NEMP1: variants seen among roughly 807,000 people sequenced by gnomAD.
NEMP1 encodes nuclear envelope integral membrane protein 1, also known as transmembrane protein 194.
A neutral mutation model predicts 53.7 loss-of-function variants in NEMP1; 29 were observed. That is an observed-to-expected ratio of 0.54 (90% CI 0.40 to 0.74). The LOEUF (loss-of-function observed/expected upper bound fraction) is 0.74. Ranked by LOEUF, NEMP1 falls within the 30% of genes least tolerant of loss-of-function variation. The pLI is 0.00. For synonymous variants in NEMP1, 193 were observed against 192.9 expected (o/e 1.00, Z 0.00); for missense variants, 477 against 528.6 (o/e 0.90, Z 0.96).
intron 2 of NEMP1, among the ~76,000 whole-genome samples, chr12:57,072,308 C>A (rs969867846): frequency 6.6e-6 from 1 of 152,074 alleles, no homozygotes. Context: ...GGTGTGGTGG[C>A]GTATGCCTGT....
chr12:57,062,893 G>C (rs1592500395), intron 7 of NEMP1, among the ~76,000 whole-genome samples: 1 of 151,094 alleles, frequency 6.6e-6, no homozygotes, highest in East Asian at 1.9e-4. Context: ...AGGAACACAT[G>C]ACATTTTACT....
chr12:57,080,443 G>T (rs1405274715), upstream of NEMP1, among the ~76,000 whole-genome samples: 1 of 152,046 alleles, frequency 6.6e-6, no homozygotes, highest in Non-Finnish European at 1.5e-5. Flanking sequence ...GCCAGGCATG[G>T]TGGTAGGTGG....
chr12:57,072,669 C>T (rs1483173518), intron 2 of NEMP1, 119 bp downstream of exon 2: 2 of 1,148,278 alleles, frequency 1.7e-6, no homozygotes, highest in African/African-American at 1.5e-5. Context: ...TCAACCCTAA[C>T]AAGATTGTTA....
intron 7 of NEMP1, among the ~76,000 whole-genome samples, chr12:57,062,223 T>TA (rs780234288): frequency 2.6e-5 from 4 of 152,154 alleles, no homozygotes; most frequent in Non-Finnish European, 4.4e-5. Flanking sequence ...CTCACGCCTA[T>TA]AATCCTAGCA....
chr12:57,073,475 T>G (rs2136510143), intron 1 of NEMP1, among the ~76,000 whole-genome samples: 1 of 151,858 alleles, frequency 6.6e-6, no homozygotes, highest in South Asian at 2.1e-4. Flanking sequence ...CCCCCCCGTC[T>G]CTACTAAAAT....
intron 1 of NEMP1, among the ~76,000 whole-genome samples, chr12:57,085,275 G>T (rs1592526343): frequency 6.6e-6 from 1 of 152,062 alleles, no homozygotes; most frequent in Non-Finnish European, 1.5e-5. Flanking sequence ...CAACTTCTGG[G>T]CTCAAATGTT....
upstream of NEMP1, among the ~76,000 whole-genome samples, chr12:57,079,856 G>A (rs1240465542): frequency 6.6e-6 from 1 of 152,040 alleles, no homozygotes; most frequent in African/African-American, 2.4e-5. Context: ...GTGTAACCTT[G>A]AATTCCTGGA....
upstream of NEMP1, among the ~76,000 whole-genome samples, chr12:57,083,220 A>G (rs896888916): frequency 6.6e-6 from 1 of 152,166 alleles, no homozygotes; most frequent in Non-Finnish European, 1.5e-5. Context: ...ATCACTGACC[A>G]CTGACTATTA....
At chr12:57,067,512 T>C (rs1298286437) in intron 4 of NEMP1, among the ~76,000 whole-genome samples, 4 of 152,224 alleles carry the variant, frequency 2.6e-5, no homozygotes, top group Admixed American at 6.5e-5. Flanking sequence ...GCACATGCTG[T>C]TGGGAAAACG....
intron 1 of NEMP1, among the ~76,000 whole-genome samples, chr12:57,084,384 A>C (rs35937600): frequency 0.17 from 25,396 of 152,148 alleles, 2,280 homozygotes; most frequent in African/African-American, 0.25. Flanking sequence ...CCACATACTC[A>C]GTCACCCAAG....
chr12:57,064,077 G>C lies in NEMP1; in HGVS notation c.748C>G (p.Leu250Val). 2 of 1,587,384 alleles carry C rather than the reference G, an allele frequency of 1.3e-6. No individual in the cohort carries two copies. The highest frequency in any genetic ancestry group is 1.7e-6 in the Non-Finnish European group (2 of 1,161,666). The change falls in exon 6 of 9, where the codon CTT becomes GTT. Residue 250 changes from leucine (L) to valine (V), a missense_variant. Coordinates refer to ENST00000300128, the MANE Select transcript of NEMP1 (RefSeq NM_001130963.2). ...QEIWRCYWQY[L>V]LSYVLTVGFM... ...CAAAACCGACAACACTTACTTAAAA[G>C]ATACTGCCAGTAACACCTCCAGATC...
At chr12:57,075,419 A>G (rs1466221365) in intron 1 of NEMP1, among the ~76,000 whole-genome samples, 1 of 148,136 alleles carries the variant, frequency 6.8e-6, no homozygotes, top group African/African-American at 2.5e-5. Context: ...AAATAAATAA[A>G]TAAATAAATA....
chr12:57,083,090 G>A (rs1319773856), upstream of NEMP1, among the ~76,000 whole-genome samples: 1 of 151,668 alleles, frequency 6.6e-6, no homozygotes, highest in East Asian at 1.9e-4. Flanking sequence ...TTTATGTGTA[G>A]GTATATATAC....
intron 8 of NEMP1, 102 bp from the exon 9 acceptor site, chr12:57,060,161 A>G: frequency 1.9e-6 from 2 of 1,053,390 alleles, no homozygotes; most frequent in Non-Finnish European, 2.7e-6. Flanking sequence ...CTCGCAACTC[A>G]AATTATATTA....
chr12:57,087,137 A>G (rs2136534905), intron 1 of NEMP1, among the ~76,000 whole-genome samples: 1 of 152,166 alleles, frequency 6.6e-6, no homozygotes, highest in East Asian at 1.9e-4. Context: ...GGGAGCGGAG[A>G]GCTCAAAATC....
At chr12:57,076,285 G>A (rs1449394279) in intron 1 of NEMP1, among the ~76,000 whole-genome samples, 2 of 151,558 alleles carry the variant, frequency 1.3e-5, no homozygotes, top group African/African-American at 4.8e-5. Flanking sequence ...GCTACTTGGG[G>A]AGACCGAGGT....
At position 57,064,178 on chromosome 12, in the gene NEMP1, G is replaced by A; in HGVS notation, c.647C>T (p.Pro216Leu). 1.3e-6 allele frequency: 2 copies of A among 1,599,262 alleles called. No individual in the cohort carries two copies. Among genetic ancestry groups the A allele is most frequent in the African/African-American group, 1.3e-5 (1 of 74,104 alleles). The stretch of plus-strand genomic sequence containing the variant: ...GCCTCCCACCAGGATGACGTAAATG[G>A]GACTTTTCTAAGACAGAGAGTAGAA... ...ILSKFMPKKS[P>L]IYVILVGGWS... The change falls in exon 6 of 9, where the codon CCC (proline) becomes CTC (leucine). Residue 216 changes from proline (P) to leucine (L), a missense_variant. Pro to Leu is a moderately conservative substitution (Grantham distance 98). Coordinates refer to ENST00000300128, the MANE Select transcript of NEMP1 (RefSeq NM_001130963.2).
intron 1 of NEMP1, among the ~76,000 whole-genome samples, chr12:57,087,734 C>T (rs1011675339): frequency 6.6e-6 from 1 of 152,086 alleles, no homozygotes; most frequent in African/African-American, 2.4e-5. Context: ...CCACGCCCCG[C>T]CATGCCCCAC....
chr12:57,060,641 T>C (rs1192360196), intron 8 of NEMP1, 131 bp downstream of exon 8: 14 of 900,214 alleles, frequency 1.6e-5, no homozygotes, highest in Non-Finnish European at 2.2e-5. Flanking sequence ...TATCCACCCT[T>C]CTCTTGACTA....
Sources: gnomAD v4.1 joint callset for allele counts (sites outside exome capture counted in the v4.1 genomes callset) on GRCh38, gnomAD v4.1.1 for gene constraint, MANE v1.5 for transcripts, NCBI Gene and HGNC (gene_info 2026-07-23, HGNC 2026-07-21) for gene names.